WWC2: variants seen among roughly 807,000 people sequenced by gnomAD.
WWC2 encodes the protein protein WWC2.
WWC2 carries 101 observed loss-of-function variants against 138.5 expected under a neutral mutation model. The observed-to-expected ratio is 0.73, with a 90% CI of 0.62 to 0.86. The LOEUF (loss-of-function observed/expected upper bound fraction) is 0.86. Ranked by LOEUF, WWC2 falls within the 40% of genes least tolerant of loss-of-function variation. The pLI is 0.00. For synonymous variants in WWC2, 558 were observed against 538.4 expected (o/e 1.04, Z -0.50); for missense variants, 1,420 against 1,419.4 (o/e 1.00, Z -0.01).
chr4:183,151,959 A>G (rs1048141277), intron 1 of WWC2, among the ~76,000 whole-genome samples: 2 of 152,326 alleles, frequency 1.3e-5, no homozygotes, highest in Admixed American at 6.5e-5. Flanking sequence ...ATTACATTTT[A>G]TAGTAAACAC....
intron 1 of WWC2, among the ~76,000 whole-genome samples, chr4:183,112,519 C>T (rs925839646): frequency 6.6e-6 from 1 of 152,232 alleles, no homozygotes; most frequent in Non-Finnish European, 1.5e-5. Context: ...CTGACTTCAC[C>T]ACCTAGTCAT....
chr4:183,284,101 T>A lies in WWC2; in HGVS notation c.2884-125T>A, dbSNP rs150670213. On this transcript the variant is annotated intron_variant, in intron 18 of 22. Coordinates refer to ENST00000403733, the MANE Select transcript of WWC2 (RefSeq NM_024949.6). ...AGTCTGTAATGCAAAGCCTTTCTCT[T>A]AGGAGTGGCCATAGTGCTCCATGAG... is the stretch of plus-strand genomic sequence containing the variant. 91 of 1,110,416 alleles carry A rather than the reference T, an allele frequency of 8.2e-5. 2 individuals are homozygous for A. In the Admixed American group the frequency reaches 1.4e-3, roughly 17 times the overall value. 68.8% of individuals were successfully genotyped at this position (1,110,416 alleles called of 1,614,324 possible). A position where few individuals can be genotyped will look rare whatever the true frequency, so the allele number is the denominator to read the frequency against.
chr4:183,126,836 T>A (rs1732770973), intron 1 of WWC2, among the ~76,000 whole-genome samples: 1 of 151,868 alleles, frequency 6.6e-6, no homozygotes, highest in African/African-American at 2.4e-5. Context: ...TCAAGTGATC[T>A]TTCTGCCTCA....
At chr4:183,235,453 A>G (rs370225833) in intron 4 of WWC2, among the ~76,000 whole-genome samples, 83 of 152,346 alleles carry the variant, frequency 5.4e-4, no homozygotes, top group African/African-American at 1.9e-3. Flanking sequence ...GTTCTAGACT[A>G]ATTTTCATGT....
chr4:183,141,358 AACATC>A (rs1382320206), intron 1 of WWC2, among the ~76,000 whole-genome samples: 1 of 152,060 alleles, frequency 6.6e-6, no homozygotes, highest in African/African-American at 2.4e-5. Flanking sequence ...TCTTTATAAG[AACATC>A]AATTCTATGA....
At chr4:183,102,016 A>C (rs1240916541) in intron 1 of WWC2, among the ~76,000 whole-genome samples, 1 of 152,228 alleles carries the variant, frequency 6.6e-6, no homozygotes, top group African/African-American at 2.4e-5. Flanking sequence ...AGGGCATTTT[A>C]TAAGAACATA....
chr4:183,289,777 C>A, intron 21 of WWC2, 142 bp downstream of exon 21: 2 of 1,271,962 alleles, frequency 1.6e-6, no homozygotes, highest in Non-Finnish European at 2.1e-6. Context: ...ATTTTTCCCA[C>A]TGTTATAGGC....
chr4:183,209,027 T>C lies in WWC2; in HGVS notation c.522+2T>C. The C allele has an allele frequency of 1.9e-6, 3 of 1,556,620 alleles. No individual in the cohort carries two copies. The highest frequency in any genetic ancestry group is 2.6e-6 in the Non-Finnish European group (3 of 1,145,696). ...GAGATCTCCACTACAAGATTAAGGGTAAGAAGTTTTAAATTGTGGTTCTAT... is the reference window on the plus strand; with the variant it reads ...GAGATCTCCACTACAAGATTAAGGGCAAGAAGTTTTAAATTGTGGTTCTAT... On this transcript the variant is annotated splice_donor_variant, in intron 4 of 22. Coordinates refer to ENST00000403733, the MANE Select transcript of WWC2 (RefSeq NM_024949.6). LOFTEE classifies it high-confidence loss of function.
intron 16 of WWC2, among the ~76,000 whole-genome samples, chr4:183,279,372 T>G (rs566748520): frequency 1.3e-5 from 2 of 151,726 alleles, no homozygotes; most frequent in African/African-American, 4.9e-5. Context: ...GCTGGATTCG[T>G]TTTGCCAGTA....
At chr4:183,126,878 G>A (rs1732775786) in intron 1 of WWC2, among the ~76,000 whole-genome samples, 1 of 150,710 alleles carries the variant, frequency 6.6e-6, no homozygotes. Context: ...ACAGGTGCAA[G>A]CCACCATGCC....
intron 1 of WWC2, among the ~76,000 whole-genome samples, chr4:183,179,632 G>A (rs1342754468): frequency 6.6e-6 from 1 of 152,146 alleles, no homozygotes; most frequent in Non-Finnish European, 1.5e-5. Flanking sequence ...GTTGATGATG[G>A]TGCCATTTTC....
chr4:183,111,490 C>CT (rs1040004735), intron 1 of WWC2, among the ~76,000 whole-genome samples: 6 of 151,058 alleles, frequency 4.0e-5, no homozygotes, highest in Non-Finnish European at 7.4e-5. Context: ...GAATTCCAGT[C>CT]TTTTTTTTTC....
At chr4:183,255,974 A>G (rs1479364197) in intron 9 of WWC2, among the ~76,000 whole-genome samples, 1 of 150,576 alleles carries the variant, frequency 6.6e-6, no homozygotes, top group Non-Finnish European at 1.5e-5. Context: ...TTTAAAAATT[A>G]TTTATTTAGT....
chr4:183,178,558 C>T (rs1016510270), intron 1 of WWC2, among the ~76,000 whole-genome samples: 1 of 149,624 alleles, frequency 6.7e-6, no homozygotes, highest in African/African-American at 2.5e-5. Flanking sequence ...CCCCTGAAGT[C>T]TTGCTGTGCT....
rs768239624 is a variant in WWC2 at position 183,289,518 on chromosome 4, G to C, written c.3267G>C (p.Ala1089=). ...GCCGCCTCAATGATGAGCTGCAGGC[G>C]CTGAGGGACTTGCGGCAGAAGCTGG... ...RQSRLNDELQ[A]LRDLRQKLEE... The change falls in exon 21 of 23, where the codon GCG becomes GCC. Residue 1089 remains alanine, a synonymous_variant. Transcript: ENST00000403733. 1 of 1,613,964 alleles carries C rather than the reference G, an allele frequency of 6.2e-7. No individual in the cohort carries two copies. Among genetic ancestry groups the C allele is most frequent in the Non-Finnish European group, 8.5e-7 (1 of 1,179,872 alleles).
At chr4:183,135,137 T>A (rs1484018189) in intron 1 of WWC2, among the ~76,000 whole-genome samples, 1 of 152,128 alleles carries the variant, frequency 6.6e-6, no homozygotes, top group Non-Finnish European at 1.5e-5. Context: ...TTGGCTAGAC[T>A]CGAACTCCTG....
intron 1 of WWC2, among the ~76,000 whole-genome samples, chr4:183,174,985 A>G (rs1295983427): frequency 6.6e-6 from 1 of 152,148 alleles, no homozygotes; most frequent in Non-Finnish European, 1.5e-5. Context: ...TTCCCAGTAT[A>G]TATGGTATAT....
rs555177027 is a variant in WWC2 at position 183,247,797 on chromosome 4, G to T, written c.733-917G>T. Among the ~76,000 whole-genome samples the T allele has an allele frequency of 7.0e-3, 922 of 130,820 alleles. 20 individuals carry two copies. The highest frequency in any genetic ancestry group is 0.025 in the African/African-American group (865 of 35,188). The allele number at this position is 130,820 out of a possible 152,430, so 85.8% of individuals were successfully genotyped here. On this transcript the variant is annotated intron_variant, in intron 6 of 22. Transcript: ENST00000403733. ...ATACTATATATATATTATATATATA[G>T]TATATAGTATATATATCCCTTTGAG... is the stretch of plus-strand genomic sequence containing the variant.
At chr4:183,225,112 T>C (rs1170229240) in intron 4 of WWC2, among the ~76,000 whole-genome samples, 1 of 152,226 alleles carries the variant, frequency 6.6e-6, no homozygotes, top group East Asian at 1.9e-4. Context: ...TTCAAGAAAC[T>C]CTTTTTGTAA....
Sources: allele counts gnomAD v4.1 joint callset (sites outside exome capture counted in the v4.1 genomes callset), GRCh38; gene constraint gnomAD v4.1.1; transcripts MANE v1.5; gene names NCBI Gene and HGNC (gene_info 2026-07-23, HGNC 2026-07-21).